The following FNDC7 variants were observed in gnomAD, a reference collection of about 807,000 sequenced individuals.
FNDC7 encodes fibronectin type III domain-containing protein 7.
FNDC7 carries 66 observed loss-of-function variants against 74.2 expected under a neutral mutation model. That is an observed-to-expected ratio of 0.89 (90% CI 0.73 to 1.09). The LOEUF is 1.09. Ranked by LOEUF, FNDC7 falls within the 50% of genes least tolerant of loss-of-function variation. The probability of loss-of-function intolerance (pLI) is 0.00; values close to 1 mark genes in which losing one functional copy is unlikely to be tolerated. For synonymous variants in FNDC7, 307 were observed against 330.2 expected, an observed-to-expected ratio of 0.93 and a Z score of 0.76; for missense variants, 829 against 893.4, an observed-to-expected ratio of 0.93 and a Z score of 0.92.
chr1:108,722,586 A>C lies in FNDC7; in HGVS notation c.850A>C (p.Lys284Gln). 6.2e-7 allele frequency: 1 copy of C among 1,612,536 alleles called. No homozygotes were observed. The highest frequency in any genetic ancestry group is 8.5e-7 in the Non-Finnish European group (1 of 1,178,950). Residue 284 changes from lysine (K) to glutamine (Q), a missense_variant, in exon 5 of 13, where the codon AAA (lysine) becomes CAA (glutamine). Transcript: ENST00000370017. Reference protein sequence around the residue: ...SSKSSSAMTLKTVACAPGRVT... With the variant: ...SSKSSSAMTLQTVACAPGRVT... ...CAAATCATCTTCAGCAATGACCCTG[A>C]AAACTGGTATGTAAACAAGAGTGAG... is the stretch of plus-strand genomic sequence containing the variant.
intron 6 of FNDC7, among the ~76,000 whole-genome samples, chr1:108,727,236 AATC>A (rs1366936808): frequency 6.6e-6 from 1 of 152,140 alleles, no homozygotes; most frequent in Non-Finnish European, 1.5e-5. Context: ...AAGACCTGAA[AATC>A]ACTTGAACCC....
At position 108,733,719 on chromosome 1, in the gene FNDC7, T is replaced by C. The variant is rs553060683; in HGVS notation, c.2140+187T>C. On this transcript the variant is annotated intron_variant, in intron 10 of 12. Coordinates refer to ENST00000370017, the MANE Select transcript of FNDC7 (RefSeq NM_001144937.3). ...AGGCTGGAGTGCAATGGCATGATCT[T>C]GGCTCACTGCAACCTCCACCTCCCA... 9.9e-5 allele frequency among the ~76,000 whole-genome samples: 15 copies of C among 150,872 alleles called. No homozygotes were observed. The South Asian group carries it at 2.7e-3, about 28-fold the overall frequency.
intron 7 of FNDC7, 46 bp downstream of exon 7, chr1:108,728,111 C>G: frequency 1.9e-6 from 3 of 1,588,338 alleles, no homozygotes; most frequent in Non-Finnish European, 2.6e-6. Context: ...GAATGATTCA[C>G]CCCAGCTCTG....
intron 11 of FNDC7, among the ~76,000 whole-genome samples, chr1:108,739,284 C>T (rs1206247559): frequency 6.6e-6 from 1 of 152,012 alleles, no homozygotes. Context: ...ATTGCTTGAG[C>T]CCTGGAGTTG....
At chr1:108,740,438 G>C (rs372856144) in intron 11 of FNDC7, among the ~76,000 whole-genome samples, 3 of 146,214 alleles carry the variant, frequency 2.1e-5, no homozygotes, top group African/African-American at 7.6e-5. Context: ...AGCGATTCTC[G>C]CGCCTCAGCC....
chr1:108,732,341 C>CA (rs67731443), intron 9 of FNDC7, among the ~76,000 whole-genome samples: 1,036 of 103,172 alleles, frequency 0.01, 38 homozygotes, highest in East Asian at 0.08. Context: ...GACTCCGTCT[C>CA]AAAAAAAAAA....
At chr1:108,715,662 TGCGC>T (rs67121639) in intron 2 of FNDC7, among the ~76,000 whole-genome samples, 156 of 147,102 alleles carry the variant, frequency 1.1e-3, no homozygotes, top group South Asian at 2.1e-3. Flanking sequence ...TGCGCGTGCG[TGCGC>T]GCGCGCACAC....
At position 108,717,730 on chromosome 1, in the gene FNDC7, T is replaced by C. The variant is rs1435617116; in HGVS notation, c.83-47T>C. On this transcript the variant is annotated intron_variant, in intron 2 of 12. Coordinates refer to ENST00000370017, the MANE Select transcript of FNDC7 (RefSeq NM_001144937.3). The stretch of plus-strand genomic sequence containing the variant: ...AAGAGTAAAATGATGAAAGAAGTCA[T>C]CCTCGTAGGTATCTTGGCTAATGTA... 1.6e-5 allele frequency: 24 copies of C among 1,532,704 alleles called. No individual in the cohort carries two copies. The East Asian group carries it at 5.2e-4, about 33-fold the overall frequency. 94.9% of individuals were successfully genotyped at this position (1,532,704 alleles called of 1,614,324 possible). A position where few individuals can be genotyped will look rare whatever the true frequency, so the allele number is the denominator to read the frequency against.
chr1:108,728,202 C>T, intron 7 of FNDC7, 137 bp downstream of exon 7: 1 of 1,130,370 alleles, frequency 8.8e-7, no homozygotes, highest in Non-Finnish European at 1.3e-6. Flanking sequence ...AAGAGAGCCC[C>T]CGTTGTACGA....
intron 9 of FNDC7, 60 bp downstream of exon 9, chr1:108,730,988 G>C: frequency 6.7e-7 from 1 of 1,494,210 alleles, no homozygotes; most frequent in Non-Finnish European, 8.9e-7. Flanking sequence ...ATCCAGGCAT[G>C]AGCCTTTCCT....
At chr1:108,728,175 C>T in intron 7 of FNDC7, 110 bp downstream of exon 7, 1 of 1,363,572 alleles carries the variant, frequency 7.3e-7, no homozygotes, top group South Asian at 1.3e-5. Flanking sequence ...TCCCATTAAT[C>T]AATCTTTGTG....
At chr1:108,730,962 G>A in intron 9 of FNDC7, 34 bp downstream of exon 9, 7 of 1,571,336 alleles carry the variant, frequency 4.5e-6, no homozygotes, top group Non-Finnish European at 6.0e-6. Flanking sequence ...TAGCAGTAAG[G>A]ACTTGACTAT....
chr1:108,723,704 C>T (rs908595853), intron 5 of FNDC7, among the ~76,000 whole-genome samples: 6 of 152,132 alleles, frequency 3.9e-5, no homozygotes, highest in Non-Finnish European at 8.8e-5. Context: ...CTGAGTTACG[C>T]AGTTAGGCAT....
intron 1 of FNDC7, 46 bp downstream of exon 1, chr1:108,713,042 G>T: frequency 6.8e-7 from 1 of 1,473,572 alleles, no homozygotes; most frequent in Non-Finnish European, 9.2e-7. Flanking sequence ...GGGGAAAAAA[G>T]AAAGACACAT....
chr1:108,727,346 C>T (rs910534159), intron 6 of FNDC7, among the ~76,000 whole-genome samples: 2 of 151,966 alleles, frequency 1.3e-5, no homozygotes, highest in Non-Finnish European at 2.9e-5. Context: ...AAAACAACAA[C>T]AACAACAAAA....
intron 5 of FNDC7, among the ~76,000 whole-genome samples, chr1:108,724,417 A>G (rs2990878): frequency 0.66 from 100,590 of 151,632 alleles, 33,879 homozygotes; most frequent in East Asian, 0.87. Flanking sequence ...TAATGGGCAT[A>G]AGAATGTATT....
chr1:108,734,713 C>A (rs542256254), intron 10 of FNDC7: 2 of 152,234 alleles, frequency 1.3e-5, no homozygotes, highest in East Asian at 3.9e-4. Flanking sequence ...GACAAGCTGG[C>A]CCAAAGCATA....
rs772183713 is a variant in FNDC7, at chr1:108,728,753, G to GT, written c.1492dup (p.Tyr498LeufsTer87). Reference sequence around the variant, plus strand: ...TGACTGCCCAAGGGGAGAAAGGACTGTATCAGTGCAGCAGCACAGGAGAGT... The same window carrying GT: ...TGACTGCCCAAGGGGAGAAAGGACTGTTATCAGTGCAGCAGCACAGGAGAGT... On this transcript the variant is annotated frameshift_variant, in exon 8 of 13. Coordinates refer to ENST00000370017, the MANE Select transcript of FNDC7 (RefSeq NM_001144937.3). LOFTEE classifies it high-confidence loss of function. 6.2e-7 allele frequency: 1 copy of GT among 1,614,286 alleles called. No individual in the cohort carries two copies. Among genetic ancestry groups the GT allele is most frequent in the African/African-American group, 1.3e-5 (1 of 75,076 alleles).
At chr1:108,732,455 T>A (rs1390553321) in intron 9 of FNDC7, among the ~76,000 whole-genome samples, 1 of 152,080 alleles carries the variant, frequency 6.6e-6, no homozygotes, top group Non-Finnish European at 1.5e-5. Flanking sequence ...ATACTACTCA[T>A]CTCGGCAAAA....
Sources: allele counts gnomAD v4.1 joint callset (sites outside exome capture counted in the v4.1 genomes callset), GRCh38; gene constraint gnomAD v4.1.1; transcripts MANE v1.5; gene names NCBI Gene and HGNC (gene_info 2026-07-23, HGNC 2026-07-21).